The following DCC variants were observed in gnomAD, a reference collection of about 807,000 sequenced individuals.
DCC encodes the protein netrin receptor DCC.
DCC carries 58 observed loss-of-function variants against 172.5 expected under a neutral mutation model. The ratio of observed to expected loss-of-function variants is 0.34; its 90% CI spans 0.27 to 0.42. DCC has a LOEUF of 0.42. Ranked by LOEUF, DCC falls within the 10% of genes least tolerant of loss-of-function variation. The pLI is 1.00. For synonymous variants in DCC, 709 were observed against 644.5 expected (o/e 1.10, Z -1.52); for missense variants, 1,740 against 1,791.0 (o/e 0.97, Z 0.51).
At chr18:53,296,868 T>C (rs1317494855) in intron 12 of DCC, among the ~76,000 whole-genome samples, 2 of 152,194 alleles carry the variant, frequency 1.3e-5, no homozygotes, top group Admixed American at 6.5e-5. Context: ...GCATTCTTAC[T>C]TGCTGCAAGG....
chr18:52,406,793 A>G (rs1674233549), intron 1 of DCC, among the ~76,000 whole-genome samples: 1 of 152,036 alleles, frequency 6.6e-6, no homozygotes, highest in Non-Finnish European at 1.5e-5. Context: ...GAGACTGTTA[A>G]TGATAGTTAC....
At chr18:52,341,050 G>A (rs955867807) in intron 1 of DCC, among the ~76,000 whole-genome samples, 172 bp downstream of exon 1, 2 of 151,822 alleles carry the variant, frequency 1.3e-5, no homozygotes, top group African/African-American at 4.8e-5. Flanking sequence ...TTTCTTCCCT[G>A]GGGGCGGATG....
intron 27 of DCC, among the ~76,000 whole-genome samples, chr18:53,523,674 C>T (rs542885028): frequency 4.6e-5 from 7 of 152,080 alleles, no homozygotes; most frequent in Admixed American, 2.6e-4. Flanking sequence ...AACCAAACAC[C>T]GCATGTTCTC....
chr18:52,907,886 A>G (rs1238113820), intron 3 of DCC, among the ~76,000 whole-genome samples: 1 of 152,136 alleles, frequency 6.6e-6, no homozygotes, highest in Non-Finnish European at 1.5e-5. Context: ...TGATATGATG[A>G]TTTTAAAAAA....
intron 25 of DCC, among the ~76,000 whole-genome samples, chr18:53,470,650 G>A (rs1337267232): frequency 6.6e-6 from 1 of 152,146 alleles, no homozygotes; most frequent in Non-Finnish European, 1.5e-5. Flanking sequence ...TGGCTGAGGA[G>A]GCCTCATGAA....
At chr18:52,813,542 A>C (rs977244185) in intron 2 of DCC, among the ~76,000 whole-genome samples, 1 of 152,138 alleles carries the variant, frequency 6.6e-6, no homozygotes, top group Middle Eastern at 3.2e-3. Flanking sequence ...GTGGAAACTT[A>C]AAAGTTATAT....
chr18:52,557,842 TAG>T (rs1411033547), intron 1 of DCC, among the ~76,000 whole-genome samples: 17 of 152,164 alleles, frequency 1.1e-4, no homozygotes, highest in Non-Finnish European at 2.5e-4. Context: ...GTATTTTTGG[TAG>T]AGACTGGTTT....
chr18:52,960,332 C>G (rs548933833), intron 5 of DCC, among the ~76,000 whole-genome samples: 3 of 152,244 alleles, frequency 2.0e-5, no homozygotes, highest in Middle Eastern at 3.4e-3. Context: ...AATCACTACA[C>G]TTTACATTGC....
intron 2 of DCC, among the ~76,000 whole-genome samples, chr18:52,756,126 C>T (rs2145139278): frequency 6.6e-6 from 1 of 152,344 alleles, no homozygotes; most frequent in South Asian, 2.1e-4. Context: ...GCAACTTCAT[C>T]ATACTGGCTG....
Position 52,364,138 on chromosome 18 carries a change from T to C in DCC, c.91+23260T>C, listed in dbSNP as rs79028230. On this transcript the variant is annotated intron_variant, in intron 1 of 28. Coordinates refer to ENST00000442544, the MANE Select transcript of DCC (RefSeq NM_005215.4). ...CACCACACTGATGCTTAAATATGTTTAATATTTAAATACCACACATTTTTT... is the reference window on the plus strand; with the variant it reads ...CACCACACTGATGCTTAAATATGTTCAATATTTAAATACCACACATTTTTT... Among the ~76,000 whole-genome samples, 786 of 152,346 alleles carry C rather than the reference T, an allele frequency of 5.2e-3. 7 individuals carry two copies. The highest frequency in any genetic ancestry group is 0.018 in the African/African-American group (755 of 41,570).
chr18:52,840,709 G>C (rs17386683), intron 2 of DCC, among the ~76,000 whole-genome samples: 1 of 152,128 alleles, frequency 6.6e-6, no homozygotes, highest in South Asian at 2.1e-4. Flanking sequence ...TCTGGCTATC[G>C]CAAGTAGAAC....
rs1365166906 is a variant in DCC, at chr18:52,997,686, G to A, written c.986-65619G>A. Among the ~76,000 whole-genome samples the A allele has an allele frequency of 5.3e-5, 8 of 152,200 alleles. No homozygotes were observed. In the East Asian group the frequency reaches 9.7e-4, roughly 18 times the overall value. ...TTTGTTCTACAGGTAAAAACAAAAC[G>A]TGAACATAGAAGTGCCTTGAAAACT... is the stretch of plus-strand genomic sequence containing the variant. On this transcript the variant is annotated intron_variant, in intron 5 of 28. Coordinates refer to ENST00000442544, the MANE Select transcript of DCC (RefSeq NM_005215.4).
chr18:53,238,301 CTT>C (rs960037394), intron 12 of DCC, among the ~76,000 whole-genome samples: 13 of 152,134 alleles, frequency 8.5e-5, no homozygotes, highest in African/African-American at 2.9e-4. Context: ...AATGTGAACA[CTT>C]TATTGATGAT....
At chr18:53,331,639 G>T (rs1054318530) in intron 14 of DCC, among the ~76,000 whole-genome samples, 16 of 152,142 alleles carry the variant, frequency 1.1e-4, no homozygotes, top group Non-Finnish European at 7.4e-5. Flanking sequence ...AAACTTCATT[G>T]TATTTTCTCT....
intron 2 of DCC, among the ~76,000 whole-genome samples, chr18:52,865,842 G>A (rs1269450518): frequency 2.6e-5 from 4 of 151,818 alleles, no homozygotes; most frequent in East Asian, 1.9e-4. Flanking sequence ...CTTCCTATTC[G>A]AATACCCTGT....
At chr18:52,658,243 G>A (rs551172953) in intron 1 of DCC, among the ~76,000 whole-genome samples, 5 of 152,292 alleles carry the variant, frequency 3.3e-5, no homozygotes, top group Non-Finnish European at 7.4e-5. Flanking sequence ...TCAGCCAACT[G>A]CAAGACCTCT....
At chr18:52,869,985 G>T (rs1050626657) in intron 2 of DCC, among the ~76,000 whole-genome samples, 2 of 152,180 alleles carry the variant, frequency 1.3e-5, no homozygotes, top group African/African-American at 2.4e-5. Flanking sequence ...CTCAGCCTGG[G>T]GTGGGGGCTC....
intron 5 of DCC, among the ~76,000 whole-genome samples, chr18:53,010,171 C>T (rs370270385): frequency 6.6e-6 from 1 of 151,986 alleles, no homozygotes; most frequent in African/African-American, 2.4e-5. Context: ...TGTAAATCTT[C>T]TGAAGCAAAA....
intron 21 of DCC, among the ~76,000 whole-genome samples, chr18:53,432,254 G>C (rs1911665825): frequency 6.6e-6 from 1 of 152,000 alleles, no homozygotes; most frequent in Non-Finnish European, 1.5e-5. Flanking sequence ...TCTGCAGTTG[G>C]TTAATATTAA....
Sources: gnomAD v4.1 joint callset for allele counts (sites outside exome capture counted in the v4.1 genomes callset) on GRCh38, gnomAD v4.1.1 for gene constraint, MANE v1.5 for transcripts, NCBI Gene and HGNC (gene_info 2026-07-23, HGNC 2026-07-21) for gene names.